LIMS4: variants seen among roughly 807,000 people sequenced by gnomAD.
The protein encoded by LIMS4 is LIM and senescent cell antigen-like-containing domain protein 4.
chr2:110,425,586 A>C, the LIMS4 span, among the ~76,000 whole-genome samples: 1 of 141,544 alleles, frequency 7.1e-6, no homozygotes, highest in East Asian at 2.0e-4. Context: ...TCCTGGATTT[A>C]TCTGGGTTGG....
At chr2:110,377,214 CCAGT>C in the LIMS4 span, 2 of 140,216 alleles carry the variant, frequency 1.4e-5, 1 homozygote, top group Non-Finnish European at 3.0e-5. Context: ...GTCCCATGAC[CCAGT>C]CAAATTTCAT....
At chr2:110,387,784 A>G in the LIMS4 span, 1 of 160,222 alleles carries the variant, frequency 6.2e-6, no homozygotes, top group African/African-American at 2.4e-5. Flanking sequence ...GTGAGCCACC[A>G]TGCCCAGCCT....
the LIMS4 span, among the ~76,000 whole-genome samples, chr2:110,382,134 T>TATAC: frequency 2.0e-5 from 2 of 97,802 alleles, no homozygotes; most frequent in Non-Finnish European, 3.6e-5. Context: ...TATATATATA[T>TATAC]ATATATATAT....
chr2:110,407,695 C>T, the LIMS4 span, among the ~76,000 whole-genome samples: 6 of 131,188 alleles, frequency 4.6e-5, no homozygotes, highest in Admixed American at 3.8e-4. Context: ...ATCACTTGAG[C>T]CCAGGAGTTC....
chr2:110,392,183 T>A, the LIMS4 span, among the ~76,000 whole-genome samples: 1 of 151,900 alleles, frequency 6.6e-6, no homozygotes, highest in Non-Finnish European at 1.5e-5. Context: ...AAACATGTGG[T>A]TTTACCCTCT....
the LIMS4 span, among the ~76,000 whole-genome samples, chr2:110,365,405 A>G: frequency 7.0e-6 from 1 of 143,762 alleles, no homozygotes; most frequent in Admixed American, 6.7e-5. Flanking sequence ...ATAAAATTAC[A>G]TGGAAATTGA....
the LIMS4 span, among the ~76,000 whole-genome samples, chr2:110,379,211 C>G: frequency 0.05 from 7,122 of 143,412 alleles, 11 homozygotes; most frequent in African/African-American, 0.076. Context: ...TGGTTGGTTG[C>G]TTGCTTGCTT....
At chr2:110,424,914 T>C in the LIMS4 span, among the ~76,000 whole-genome samples, 1 of 143,368 alleles carries the variant, frequency 7.0e-6, no homozygotes, top group Non-Finnish European at 1.5e-5. Flanking sequence ...AAAAGGGCAC[T>C]CTGATAGGAC....
At chr2:110,419,497 G>A in the LIMS4 span, among the ~76,000 whole-genome samples, 56 of 36,320 alleles carry the variant, frequency 1.5e-3, 1 homozygote, top group South Asian at 8.4e-3. Flanking sequence ...AAAATTAGCC[G>A]GGCGTGGTGG....
chr2:110,359,748 A>G, the LIMS4 span, among the ~76,000 whole-genome samples: 1 of 86,774 alleles, frequency 1.2e-5, no homozygotes, highest in African/African-American at 4.3e-5. Context: ...ACCTGACTAT[A>G]TAGATCTATT....
chr2:110,368,017 A>C, the LIMS4 span, among the ~76,000 whole-genome samples: 3 of 145,506 alleles, frequency 2.1e-5, no homozygotes, highest in Non-Finnish European at 3.0e-5. Context: ...TGAAAAAAAG[A>C]ACTACGTAAC....
the LIMS4 span, among the ~76,000 whole-genome samples, chr2:110,392,198 C>A: frequency 2.6e-5 from 4 of 151,778 alleles, no homozygotes; most frequent in Non-Finnish European, 5.9e-5. Flanking sequence ...CCCTCTATCT[C>A]TAAGGATGGG....
chr2:110,395,940 T>A, the LIMS4 span, among the ~76,000 whole-genome samples: 1 of 141,268 alleles, frequency 7.1e-6, no homozygotes, highest in South Asian at 2.3e-4. Flanking sequence ...ACCAGCGTCC[T>A]AAAGAGACAT....
chr2:110,369,011 C>G, the LIMS4 span, among the ~76,000 whole-genome samples: 1 of 103,404 alleles, frequency 9.7e-6, no homozygotes, highest in African/African-American at 4.3e-5. Context: ...ATTGTGCACA[C>G]AGATCTCTCA....
the LIMS4 span, among the ~76,000 whole-genome samples, chr2:110,367,156 C>G: frequency 1.3e-5 from 2 of 150,686 alleles, no homozygotes; most frequent in African/African-American, 5.0e-5. Context: ...CTATCAAAAG[C>G]AATCTCTAGA....
the LIMS4 span, among the ~76,000 whole-genome samples, chr2:110,391,139 G>A: frequency 2.6e-5 from 4 of 151,284 alleles, no homozygotes; most frequent in Non-Finnish European, 5.9e-5. Flanking sequence ...GGAGGGAGCT[G>A]GGGGGAGAGC....
At chr2:110,391,047 TGGGGAGGTGGAACTGTGCA>T in the LIMS4 span, among the ~76,000 whole-genome samples, 1 of 140,144 alleles carries the variant, frequency 7.1e-6, no homozygotes, top group Non-Finnish European at 1.5e-5. Context: ...CAGCACAGTG[TGGGGAGGTGGAACTGTGCA>T]GGGGCTCTAG....
chr2:110,447,500 G>A (rs1212479607), intron 8 of LIMS4, among the ~76,000 whole-genome samples: 9 of 22,272 alleles, frequency 4.0e-4, no homozygotes, highest in African/African-American at 1.0e-3. Flanking sequence ...CTGTTGCCAG[G>A]CTGGAGTGCA....
the LIMS4 span, among the ~76,000 whole-genome samples, chr2:110,364,156 C>CAAAAT: frequency 1.9e-5 from 1 of 53,516 alleles, no homozygotes; most frequent in African/African-American, 5.9e-5. Flanking sequence ...GATCCTGTCT[C>CAAAAT]AAAATAAAAT....
Sources: gnomAD v4.1 joint callset for allele counts (sites outside exome capture counted in the v4.1 genomes callset) on GRCh38, gnomAD v4.1.1 for gene constraint, MANE v1.5 for transcripts, NCBI Gene and HGNC (gene_info 2026-07-23, HGNC 2026-07-21) for gene names.